Variants in POM121 observed in about 807,000 individuals in gnomAD.
The protein encoded by POM121 is POM121 transmembrane nucleoporin, also known as nuclear envelope pore membrane protein POM 121.
POM121 carries 32 observed loss-of-function variants against 81.3 expected under a neutral mutation model. The observed-to-expected ratio is 0.39, with a 90% CI of 0.30 to 0.53. POM121 has a LOEUF of 0.53. Ranked by LOEUF, POM121 falls within the 20% of genes least tolerant of loss-of-function variation. The pLI is 0.66. For missense variants in POM121, 1,138 were observed against 1,614.6 expected, an observed-to-expected ratio of 0.70 and a Z score of 5.06; for synonymous variants, 514 against 694.2, an observed-to-expected ratio of 0.74 and a Z score of 4.08.
At position 72,946,121 on chromosome 7, in the gene POM121, T is replaced by G; in HGVS notation, c.3653-16T>G. 6.2e-7 allele frequency: 1 copy of G among 1,611,426 alleles called. No homozygotes were observed. Among genetic ancestry groups the G allele is most frequent in the Non-Finnish European group, 8.5e-7 (1 of 1,179,580 alleles). ...GGTAGCAGCTGCCCTGATGAGGTCTTGTTGAATCTTTCCAGGATCGGCGGC... is the reference window on the plus strand; with the variant it reads ...GGTAGCAGCTGCCCTGATGAGGTCTGGTTGAATCTTTCCAGGATCGGCGGC... On this transcript the variant is annotated splice_polypyrimidine_tract_variant and intron_variant, in intron 12 of 12. Coordinates refer to ENST00000434423, the MANE Select transcript of POM121 (RefSeq NM_001387691.1).
intron 5 of POM121, among the ~76,000 whole-genome samples, chr7:72,933,995 A>G (rs556000386): frequency 6.6e-6 from 1 of 152,356 alleles, no homozygotes; most frequent in East Asian, 1.9e-4. Context: ...AAATCTTTTA[A>G]TATGCATAAA....
chr7:72,932,569 C>T (rs1473392915), intron 5 of POM121, among the ~76,000 whole-genome samples: 1 of 152,152 alleles, frequency 6.6e-6, no homozygotes, highest in Non-Finnish European at 1.5e-5. Context: ...TGGAAAGTTC[C>T]TAGAAGTCAG....
chr7:72,902,769 A>T (rs1431713046), intron 3 of POM121, among the ~76,000 whole-genome samples: 1 of 152,130 alleles, frequency 6.6e-6, no homozygotes, highest in African/African-American at 2.4e-5. Flanking sequence ...GCCTCAGGTG[A>T]TCTGCCTGCC....
At chr7:72,898,974 C>G (rs374271507) in intron 3 of POM121, among the ~76,000 whole-genome samples, 1 of 96,040 alleles carries the variant, frequency 1.0e-5, no homozygotes, top group Non-Finnish European at 2.1e-5. Context: ...TTTTTCTTTT[C>G]TTTTCTTTTT....
At chr7:72,913,782 C>T (rs1335746871) in exon 4 of POM121, 2 of 152,268 alleles carry the variant, frequency 1.3e-5, no homozygotes, top group Non-Finnish European at 2.9e-5. Context: ...CATCCTCAGC[C>T]GAAGATCTCA....
At chr7:72,920,973 C>T (rs1442633613), upstream of POM121, among the ~76,000 whole-genome samples, 1 of 152,046 alleles carries the variant, frequency 6.6e-6, no homozygotes, top group African/African-American at 2.4e-5. Context: ...CTGAGGTCAG[C>T]AGTTTGAGAC....
intron 3 of POM121, among the ~76,000 whole-genome samples, chr7:72,902,109 G>GA (rs1236229399): frequency 5.8e-4 from 83 of 142,802 alleles, no homozygotes; most frequent in African/African-American, 1.0e-3. Context: ...TGAAACTCAT[G>GA]AAAAAAAAAA....
chr7:72,916,502 T>TGGTG (rs1554495101), intron 4 of POM121, among the ~76,000 whole-genome samples: 8 of 152,228 alleles, frequency 5.3e-5, no homozygotes, highest in African/African-American at 1.7e-4. Context: ...TTCTGAGGTC[T>TGGTG]CTATTCTGTT....
chr7:72,914,361 C>T (rs1317622765), intron 4 of POM121, among the ~76,000 whole-genome samples: 2 of 150,956 alleles, frequency 1.3e-5, no homozygotes, highest in Non-Finnish European at 3.0e-5. Flanking sequence ...ACAAGCCAGG[C>T]CTGTTGGAAT....
rs533937345 is a variant in POM121, at chr7:72,928,799, G to A, written c.1103+334G>A. ...CTAAATGTTAAATTTCTACATGTCA[G>A]TTTAAAAACAAATTGGAGGAAGAAT... On this transcript the variant is annotated intron_variant, in intron 4 of 12. Transcript: ENST00000434423. Among the ~76,000 whole-genome samples the A allele has an allele frequency of 5.3e-5, 8 of 152,332 alleles. No individual in the cohort carries two copies. The South Asian group carries it at 1.4e-3, about 28-fold the overall frequency.
At chr7:72,931,848 G>A (rs1432408866) in intron 5 of POM121, among the ~76,000 whole-genome samples, 4 of 152,192 alleles carry the variant, frequency 2.6e-5, no homozygotes, top group Non-Finnish European at 4.4e-5. Flanking sequence ...TGGGATTACA[G>A]GCATGAGCCA....
intron 5 of POM121, among the ~76,000 whole-genome samples, 185 bp downstream of exon 5, chr7:72,930,296 G>T (rs1290577913): frequency 6.6e-6 from 1 of 152,182 alleles, no homozygotes; most frequent in African/African-American, 2.4e-5. Context: ...CTGTACAAAA[G>T]AATTTTTAAA....
intron 5 of POM121, among the ~76,000 whole-genome samples, chr7:72,930,459 C>T (rs782767757): frequency 2.1e-4 from 32 of 152,334 alleles, no homozygotes; most frequent in Non-Finnish European, 3.8e-4. Flanking sequence ...CCAGAATGTA[C>T]AGCAGTGCAT....
chr7:72,897,328 C>T (rs1193861918), intron 3 of POM121, among the ~76,000 whole-genome samples: 1 of 152,132 alleles, frequency 6.6e-6, no homozygotes, highest in African/African-American at 2.4e-5. Flanking sequence ...CCATGCTTAC[C>T]TCCAAAGGAA....
intron 5 of POM121, among the ~76,000 whole-genome samples, chr7:72,933,305 C>T (rs1796203190): frequency 6.6e-6 from 1 of 151,074 alleles, no homozygotes; most frequent in Admixed American, 6.6e-5. Context: ...GTGAGCCGAG[C>T]TCACGCCACT....
upstream of POM121, among the ~76,000 whole-genome samples, chr7:72,921,800 T>C (rs1794839931): frequency 6.6e-6 from 1 of 152,230 alleles, no homozygotes; most frequent in Admixed American, 6.5e-5. Context: ...AGCTGCTTTA[T>C]AGTATTTTAT....
At position 72,946,674 on chromosome 7, in the gene POM121, T is replaced by C. The variant is rs2129581189; in HGVS notation, c.*440T>C. ...GAAATGGGCTATCCGTAAAGCTTTATCTTGCTTGGCTTAGCTGTGAGAAGT... is the reference window on the plus strand; with the variant it reads ...GAAATGGGCTATCCGTAAAGCTTTACCTTGCTTGGCTTAGCTGTGAGAAGT... On this transcript the variant is annotated 3_prime_UTR_variant, in exon 13 of 13. Transcript: ENST00000434423. The C allele has an allele frequency of 3.1e-6, 3 of 981,524 alleles. No individual in the cohort carries two copies. Among genetic ancestry groups the C allele is most frequent in the East Asian group, 2.3e-4 (2 of 8,798 alleles). 60.8% of individuals were successfully genotyped at this position (981,524 alleles called of 1,614,324 possible).
rs368853010 is a variant in POM121 at position 72,948,079 on chromosome 7, A to T, written c.*1845A>T. ...CCCTCCTAGTGTCAGTACCTGAGCT[A>T]GTTTACCTCAGTTCCGCAGGCAGGA... On this transcript the variant is annotated 3_prime_UTR_variant, in exon 13 of 13. Transcript: ENST00000434423. 85 of 1,327,168 alleles carry T rather than the reference A, an allele frequency of 6.4e-5. No homozygotes were observed. Among genetic ancestry groups the T allele is most frequent in the South Asian group, 6.6e-5 (4 of 60,180 alleles). 82.2% of individuals were successfully genotyped at this position (1,327,168 alleles called of 1,614,324 possible). A position where few individuals can be genotyped will look rare whatever the true frequency, so the allele number is the denominator to read the frequency against.
downstream of POM121, chr7:72,950,217 A>G (rs781925845): frequency 3.7e-6 from 6 of 1,608,838 alleles, no homozygotes; most frequent in Non-Finnish European, 4.2e-6. Context: ...AGAACCATTC[A>G]TTCATCATTT....
Sources: gnomAD v4.1 joint callset for allele counts (sites outside exome capture counted in the v4.1 genomes callset) on GRCh38, gnomAD v4.1.1 for gene constraint, MANE v1.5 for transcripts, NCBI Gene and HGNC (gene_info 2026-07-23, HGNC 2026-07-21) for gene names.